CNTN4: variants seen among roughly 807,000 people sequenced by gnomAD.
CNTN4 encodes the protein contactin-4.
In CNTN4, 77 loss-of-function variants were observed where a neutral mutation model predicts 122.5. The ratio of observed to expected loss-of-function variants is 0.63; its 90% CI spans 0.52 to 0.76. CNTN4 has a LOEUF of 0.76. Among genes scored for constraint, CNTN4 ranks in the 30% least tolerant of loss-of-function variants. The pLI is 0.00. For synonymous variants in CNTN4, 512 were observed against 447.0 expected, an observed-to-expected ratio of 1.15 and a Z score of -1.83; for missense variants, 1,256 against 1,259.1, an observed-to-expected ratio of 1.00 and a Z score of 0.04.
At chr3:2,845,718 A>C (rs944598111) in intron 7 of CNTN4, among the ~76,000 whole-genome samples, 1 of 152,204 alleles carries the variant, frequency 6.6e-6, no homozygotes, top group Non-Finnish European at 1.5e-5. Context: ...AAGTAAAATC[A>C]GCATGCCCAT....
At chr3:2,655,055 C>G (rs981985116) in intron 4 of CNTN4, among the ~76,000 whole-genome samples, 1 of 152,180 alleles carries the variant, frequency 6.6e-6, no homozygotes, top group African/African-American at 2.4e-5. Flanking sequence ...TTTTTTGTCT[C>G]TCTAAGGTGC....
chr3:2,299,016 G>A (rs2042409025), intron 2 of CNTN4, among the ~76,000 whole-genome samples: 1 of 7,168 alleles, frequency 1.4e-4, no homozygotes, highest in Non-Finnish European at 7.1e-3. Flanking sequence ...AATTTCACCT[G>A]TCGGGGGGTT....
At chr3:2,792,029 A>T (rs2092027366) in intron 6 of CNTN4, among the ~76,000 whole-genome samples, 1 of 152,240 alleles carries the variant, frequency 6.6e-6, no homozygotes, top group Non-Finnish European at 1.5e-5. Flanking sequence ...ACCGTGGCAC[A>T]CATTTACCTG....
chr3:2,674,157 T>C (rs1362269033), intron 4 of CNTN4, among the ~76,000 whole-genome samples: 1 of 152,212 alleles, frequency 6.6e-6, no homozygotes, highest in Non-Finnish European at 1.5e-5. Context: ...AAGCAATAGA[T>C]AATTGAAGTA....
intron 3 of CNTN4, among the ~76,000 whole-genome samples, chr3:2,467,611 T>TA (rs1229387198): frequency 2.0e-5 from 3 of 152,206 alleles, no homozygotes; most frequent in Non-Finnish European, 4.4e-5. Context: ...GATGATTACA[T>TA]AAAACAATAT....
intron 3 of CNTN4, among the ~76,000 whole-genome samples, chr3:2,427,021 G>C (rs922704408): frequency 1.2e-4 from 18 of 152,104 alleles, no homozygotes; most frequent in African/African-American, 1.7e-4. Context: ...CAAAAAACCA[G>C]CTCCTGGATT....
intron 6 of CNTN4, among the ~76,000 whole-genome samples, chr3:2,759,641 A>G (rs1011967286): frequency 1.3e-5 from 2 of 151,800 alleles, no homozygotes; most frequent in Non-Finnish European, 2.9e-5. Context: ...GTATATTCCT[A>G]GGAGTGGAGT....
chr3:2,910,832 G>C (rs968990243), intron 12 of CNTN4, among the ~76,000 whole-genome samples: 1 of 152,180 alleles, frequency 6.6e-6, no homozygotes, highest in Non-Finnish European at 1.5e-5. Context: ...GATTCATCAA[G>C]ATAGTCAAAA....
chr3:2,365,670 C>T (rs368186133), intron 3 of CNTN4, among the ~76,000 whole-genome samples: 3 of 152,168 alleles, frequency 2.0e-5, no homozygotes, highest in Admixed American at 6.5e-5. Context: ...AAGTTGCCAT[C>T]TGCCTCTTTT....
intron 3 of CNTN4, among the ~76,000 whole-genome samples, chr3:2,364,410 A>G (rs2045289872): frequency 1.3e-5 from 2 of 152,146 alleles, no homozygotes; most frequent in African/African-American, 2.4e-5. Flanking sequence ...TCTATTTCCA[A>G]GGACCCCTAA....
chr3:2,201,838 A>C (rs2038108863), intron 2 of CNTN4, among the ~76,000 whole-genome samples: 1 of 152,186 alleles, frequency 6.6e-6, no homozygotes, highest in African/African-American at 2.4e-5. Flanking sequence ...ATTTTATCAG[A>C]TAGACAGTGA....
At chr3:2,190,206 A>G (rs1225105090) in intron 2 of CNTN4, among the ~76,000 whole-genome samples, 2 of 152,178 alleles carry the variant, frequency 1.3e-5, no homozygotes, top group Non-Finnish European at 2.9e-5. Flanking sequence ...ATTTCCTGAG[A>G]CATTTCTTCT....
At chr3:2,401,161 A>T (rs1017510709) in intron 3 of CNTN4, among the ~76,000 whole-genome samples, 32 of 152,256 alleles carry the variant, frequency 2.1e-4, no homozygotes, top group Admixed American at 1.8e-3. Context: ...TTCTTAGTAG[A>T]CTTTGCAGAG....
At chr3:2,223,421 G>C (rs895520712) in intron 2 of CNTN4, among the ~76,000 whole-genome samples, 1 of 152,068 alleles carries the variant, frequency 6.6e-6, no homozygotes, top group African/African-American at 2.4e-5. Flanking sequence ...CCTTAACTCA[G>C]TGTCTGTTTT....
chr3:2,949,398 G>A (rs904702539), intron 13 of CNTN4, among the ~76,000 whole-genome samples: 1 of 152,172 alleles, frequency 6.6e-6, no homozygotes, highest in African/African-American at 2.4e-5. Context: ...CTAACGTCTA[G>A]TACTTCTTTG....
chr3:2,947,732 C>A (rs1444158154), intron 13 of CNTN4, among the ~76,000 whole-genome samples: 2 of 152,334 alleles, frequency 1.3e-5, no homozygotes, highest in Admixed American at 1.3e-4. Flanking sequence ...AAAGCTACAG[C>A]CAGATCCCTA....
chr3:2,239,708 A>T (rs1456264232), intron 2 of CNTN4, among the ~76,000 whole-genome samples: 6 of 152,176 alleles, frequency 3.9e-5, no homozygotes, highest in African/African-American at 1.2e-4. Flanking sequence ...TATAATTAAT[A>T]AATTAAGAAG....
At chr3:2,721,832 GA>G (rs2087874896) in intron 4 of CNTN4, among the ~76,000 whole-genome samples, 1 of 152,164 alleles carries the variant, frequency 6.6e-6, no homozygotes, top group Non-Finnish European at 1.5e-5. Context: ...TTCATATGTT[GA>G]AATCCTAACC....
chr3:2,932,748 C>G (rs80254525), intron 13 of CNTN4, among the ~76,000 whole-genome samples: 1 of 151,112 alleles, frequency 6.6e-6, no homozygotes, highest in Non-Finnish European at 1.5e-5. Context: ...AAAGAGCAAG[C>G]AAGAGAGAAA....
Sources: gnomAD v4.1 joint callset for allele counts (sites outside exome capture counted in the v4.1 genomes callset) on GRCh38, gnomAD v4.1.1 for gene constraint, MANE v1.5 for transcripts, NCBI Gene and HGNC (gene_info 2026-07-23, HGNC 2026-07-21) for gene names.